SIPA1L3: variants seen among roughly 807,000 people sequenced by gnomAD.
SIPA1L3 encodes signal induced proliferation associated 1 like 3.
SIPA1L3 carries 59 observed loss-of-function variants against 150.1 expected under a neutral mutation model. The observed-to-expected ratio is 0.39, with a 90% CI of 0.32 to 0.49. The LOEUF is 0.49. Ranked by LOEUF, SIPA1L3 falls within the 20% of genes least tolerant of loss-of-function variation. SIPA1L3 has a pLI of 0.86. For missense variants in SIPA1L3, 2,211 were observed against 2,489.5 expected, an observed-to-expected ratio of 0.89 and a Z score of 2.38; for synonymous variants, 1,070 against 1,077.6, an observed-to-expected ratio of 0.99 and a Z score of 0.14.
chr19:38,045,202 A>AC lies in SIPA1L3; in HGVS notation c.-311+16050dup, dbSNP rs1163238684. ...AGACCAGCCTGGCCAACATGGTGAA[A>AC]CCCCGTCTCTACAAAAAATACAAAA... On this transcript the variant is annotated intron_variant, in intron 2 of 21. Coordinates refer to ENST00000222345, the MANE Select transcript of SIPA1L3 (RefSeq NM_015073.3). Among the ~76,000 whole-genome samples the AC allele has an allele frequency of 4.6e-5, 7 of 151,986 alleles. No homozygotes were observed. In the East Asian group the frequency reaches 7.7e-4, roughly 17 times the overall value.
At chr19:38,086,214 CCTA>C (rs1407783080) in intron 3 of SIPA1L3, among the ~76,000 whole-genome samples, 1 of 147,236 alleles carries the variant, frequency 6.8e-6, no homozygotes, top group Non-Finnish European at 1.5e-5. Context: ...TTCTTTTCAA[CCTA>C]CACGTACAAA....
chr19:38,060,227 A>G (rs1279160942), intron 2 of SIPA1L3, among the ~76,000 whole-genome samples: 1 of 152,186 alleles, frequency 6.6e-6, no homozygotes. Context: ...TGTGAACTGT[A>G]TATGTTGTTC....
chr19:37,929,212 G>A (rs1294519441), intron 1 of SIPA1L3, among the ~76,000 whole-genome samples: 2 of 152,194 alleles, frequency 1.3e-5, no homozygotes, highest in Middle Eastern at 3.2e-3. Context: ...GGCTGGAGCC[G>A]GGGCCAGCCT....
intron 15 of SIPA1L3, among the ~76,000 whole-genome samples, chr19:38,177,124 G>T (rs1225370453): frequency 1.3e-5 from 2 of 152,134 alleles, no homozygotes. Flanking sequence ...CACTTTGGGA[G>T]GCCAAGGTGG....
intron 1 of SIPA1L3, among the ~76,000 whole-genome samples, chr19:37,985,895 C>T (rs543471197): frequency 2.0e-4 from 31 of 152,218 alleles, no homozygotes; most frequent in Admixed American, 5.2e-4. Flanking sequence ...GGGTGGACTC[C>T]CTGACTTCCC....
chr19:37,976,614 G>A (rs566031994), intron 1 of SIPA1L3, among the ~76,000 whole-genome samples: 5 of 152,158 alleles, frequency 3.3e-5, no homozygotes, highest in East Asian at 1.9e-4. Context: ...ACTGCAGCCC[G>A]CCTCCTGGGT....
chr19:37,970,117 GT>G (rs1427887866), intron 1 of SIPA1L3, among the ~76,000 whole-genome samples: 1 of 152,188 alleles, frequency 6.6e-6, no homozygotes, highest in Non-Finnish European at 1.5e-5. Context: ...ATTTTGGTTA[GT>G]TTGTCATTGG....
intron 11 of SIPA1L3, 123 bp downstream of exon 11, chr19:38,141,558 TCTTATC>T (rs1971584081): frequency 6.5e-6 from 7 of 1,070,508 alleles, no homozygotes. Flanking sequence ...CGACCTTCCT[TCTTATC>T]CTTATGTCTC....
chr19:37,924,798 C>T (rs950200776), intron 1 of SIPA1L3, among the ~76,000 whole-genome samples: 4 of 152,040 alleles, frequency 2.6e-5, no homozygotes, highest in African/African-American at 9.7e-5. Flanking sequence ...CCTGTAATCC[C>T]AGCACTTTCG....
intron 1 of SIPA1L3, among the ~76,000 whole-genome samples, chr19:37,927,780 A>G (rs1467118215): frequency 2.6e-5 from 4 of 151,776 alleles, no homozygotes; most frequent in Admixed American, 2.0e-4. Context: ...CCCACTTAGA[A>G]GTAAGAACAT....
At chr19:38,173,026 C>T (rs1045439512) in intron 15 of SIPA1L3, among the ~76,000 whole-genome samples, 2 of 152,026 alleles carry the variant, frequency 1.3e-5, no homozygotes, top group African/African-American at 2.4e-5. Flanking sequence ...TGCTTGACCC[C>T]GGGAAGTGGA....
In SIPA1L3 at chr19:38,082,703, G is replaced by A. The variant is rs759574719; in HGVS notation, c.1138G>A (p.Ala380Thr). Residue 380 changes from alanine (A) to threonine (T), a missense_variant, in exon 3 of 22, where the codon GCC becomes ACC. Ala to Thr is a moderately conservative substitution (Grantham distance 58). This residue lies in a region of SIPA1L3 where 587 missense variants were observed against 534.5 expected (regional missense o/e 1.10). Transcript: ENST00000222345. The part of the protein sequence containing the change: ...TGASAASAAS[A>T]MASLTASRAH... Reference sequence around the variant, plus strand: ...TGCTTCGGCCGCTTCCGCCGCCTCGGCCATGGCCTCCCTCACGGCCTCGCG... The same window carrying A: ...TGCTTCGGCCGCTTCCGCCGCCTCGACCATGGCCTCCCTCACGGCCTCGCG... 2.5e-6 allele frequency: 4 copies of A among 1,610,646 alleles called. No individual in the cohort carries two copies. The highest frequency in any genetic ancestry group is 2.5e-6 in the Non-Finnish European group (3 of 1,179,106).
intron 2 of SIPA1L3, among the ~76,000 whole-genome samples, chr19:38,072,483 G>T (rs920848859): frequency 6.6e-6 from 1 of 152,228 alleles, no homozygotes. Context: ...TACAGCCCCA[G>T]ATTCTAACTC....
At chr19:38,144,646 A>G (rs2145946615) in intron 12 of SIPA1L3, among the ~76,000 whole-genome samples, 1 of 152,348 alleles carries the variant, frequency 6.6e-6, no homozygotes, top group South Asian at 2.1e-4. Flanking sequence ...TTCTTCTTCT[A>G]GTAGCCACCA....
intron 1 of SIPA1L3, among the ~76,000 whole-genome samples, chr19:37,930,481 T>C (rs2046543948): frequency 6.6e-6 from 1 of 152,122 alleles, no homozygotes; most frequent in South Asian, 2.1e-4. Flanking sequence ...ATAATAAATA[T>C]TTTATAATCC....
intron 1 of SIPA1L3, among the ~76,000 whole-genome samples, chr19:38,009,172 T>C (rs1968040606): frequency 6.6e-6 from 1 of 151,816 alleles, no homozygotes; most frequent in Non-Finnish European, 1.5e-5. Context: ...GTAGCTGGGA[T>C]TACAGGTGCC....
At chr19:38,015,513 C>T (rs1320293563) in intron 1 of SIPA1L3, among the ~76,000 whole-genome samples, 1 of 151,974 alleles carries the variant, frequency 6.6e-6, no homozygotes, top group Admixed American at 6.6e-5. Flanking sequence ...TGCTTGACCC[C>T]AGGAGTTTGA....
chr19:38,189,100 A>G (rs1251299185), intron 16 of SIPA1L3, among the ~76,000 whole-genome samples: 1 of 150,690 alleles, frequency 6.6e-6, no homozygotes, highest in African/African-American at 2.4e-5. Context: ...CACCTCCTGC[A>G]TATGAACTAC....
chr19:38,118,358 G>A (rs1970937600), intron 8 of SIPA1L3, among the ~76,000 whole-genome samples: 1 of 150,632 alleles, frequency 6.6e-6, no homozygotes, highest in African/African-American at 2.5e-5. Flanking sequence ...CCAGGAGACA[G>A]AGGTTGCTGT....
Sources: gnomAD v4.1 joint callset for allele counts (sites outside exome capture counted in the v4.1 genomes callset) on GRCh38, gnomAD v4.1.1 for gene constraint, gnomAD v4.1.1 regional missense constraint, MANE v1.5 for transcripts, NCBI Gene and HGNC (gene_info 2026-07-23, HGNC 2026-07-21) for gene names.